Variants in MAP4K4 observed in about 807,000 individuals in gnomAD.
The protein encoded by MAP4K4 is mitogen-activated protein kinase kinase kinase kinase 4.
MAP4K4 carries 38 observed loss-of-function variants against 189.6 expected under a neutral mutation model. That is an observed-to-expected ratio of 0.20 (90% CI 0.15 to 0.26). The LOEUF (loss-of-function observed/expected upper bound fraction) is 0.26, where lower values mean the gene tolerates loss of function less well. MAP4K4 is among the 10% of genes least tolerant of loss of function. The pLI is 1.00. For synonymous variants in MAP4K4, 610 were observed against 624.3 expected, an observed-to-expected ratio of 0.98 and a Z score of 0.34; for missense variants, 1,054 against 1,726.9, an observed-to-expected ratio of 0.61 and a Z score of 6.91.
chr2:101,812,756 G>C (rs1390907925), intron 3 of MAP4K4, among the ~76,000 whole-genome samples: 1 of 152,184 alleles, frequency 6.6e-6, no homozygotes, highest in African/African-American at 2.4e-5. Context: ...CGCTACTTAA[G>C]TAAAAGAGGT....
At chr2:101,738,185 C>A (rs922119866) in intron 2 of MAP4K4, among the ~76,000 whole-genome samples, 1 of 152,074 alleles carries the variant, frequency 6.6e-6, no homozygotes, top group Admixed American at 6.6e-5. Flanking sequence ...TCTCTGAAGT[C>A]ACAAAAATAC....
At chr2:101,759,501 C>T (rs1308392441) in intron 2 of MAP4K4, among the ~76,000 whole-genome samples, 3 of 63,196 alleles carry the variant, frequency 4.7e-5, no homozygotes, top group African/African-American at 2.2e-4. Context: ...CTCTCCTCCC[C>T]TCTCCCCTCC....
At chr2:101,747,841 TTGAAAA>T (rs2066447609) in intron 2 of MAP4K4, among the ~76,000 whole-genome samples, 1 of 152,208 alleles carries the variant, frequency 6.6e-6, no homozygotes, top group Non-Finnish European at 1.5e-5. Flanking sequence ...ACAGCAGCCT[TTGAAAA>T]TGAATGGAAA....
intron 3 of MAP4K4, among the ~76,000 whole-genome samples, chr2:101,815,211 TTA>T (rs1347024132): frequency 6.6e-6 from 1 of 152,176 alleles, no homozygotes. Context: ...TAAATTATGA[TTA>T]TATTCTTCTA....
chr2:101,791,059 C>T (rs545552481), intron 3 of MAP4K4, among the ~76,000 whole-genome samples: 1 of 152,236 alleles, frequency 6.6e-6, no homozygotes, highest in South Asian at 2.1e-4. Context: ...TTGGAAACAT[C>T]TTCTCTAATG....
At chr2:101,883,760 G>A (rs932214193) in intron 28 of MAP4K4, among the ~76,000 whole-genome samples, 5 of 151,968 alleles carry the variant, frequency 3.3e-5, no homozygotes, top group African/African-American at 1.2e-4. Flanking sequence ...TGTTCCGAGG[G>A]ATGTTGTCAT....
exon 1 of MAP4K4, chr2:101,698,069 C>T: frequency 7.6e-7 from 1 of 1,319,662 alleles, no homozygotes; most frequent in Non-Finnish European, 1.0e-6. Context: ...TTTTTGGTGG[C>T]AAAAAGGGAA....
intron 2 of MAP4K4, among the ~76,000 whole-genome samples, chr2:101,760,670 T>G (rs2075978569): frequency 6.6e-6 from 1 of 151,974 alleles, no homozygotes; most frequent in Non-Finnish European, 1.5e-5. Context: ...AAATAAAGTT[T>G]GGAGAGGCAG....
At chr2:101,716,281 A>C (rs1290740410) in intron 2 of MAP4K4, among the ~76,000 whole-genome samples, 2 of 152,104 alleles carry the variant, frequency 1.3e-5, no homozygotes, top group African/African-American at 4.8e-5. Flanking sequence ...GTCTCTACTA[A>C]AAATACAAAA....
chr2:101,849,912 G>A (rs1350406643), intron 12 of MAP4K4, among the ~76,000 whole-genome samples: 1 of 151,944 alleles, frequency 6.6e-6, no homozygotes, highest in Non-Finnish European at 1.5e-5. Flanking sequence ...TATTAAACAA[G>A]ATGGTGTCCT....
chr2:101,894,521 A>C (rs1351150150), exon 33 of MAP4K4: 2 of 152,822 alleles, frequency 1.3e-5, no homozygotes, highest in Non-Finnish European at 2.9e-5. Flanking sequence ...GCTAAATAGT[A>C]ATACAAATGA....
In MAP4K4 at chr2:101,859,808, A is replaced by G. The variant is rs1183008473; in HGVS notation, c.1648A>G (p.Ser550Gly). The change falls in exon 15 of 33, where the codon AGC becomes GGC. Residue 550 changes from serine to glycine, a missense_variant. This residue lies in a region of MAP4K4 where 646 missense variants were observed against 796.2 expected (regional missense o/e 0.81). Coordinates refer to ENST00000324219, the Ensembl canonical transcript of MAP4K4. ...ACCGCAGCAGGAAAGGAGCAAGCCA[A>G]GCTTCCATGCTCCCGAGCCCAAAGC... 1.9e-6 allele frequency: 3 copies of G among 1,611,016 alleles called. No homozygotes were observed. The African/African-American group carries it at 4.0e-5, about 22-fold the overall frequency.
chr2:101,773,629 C>T (rs1345646623), intron 2 of MAP4K4, among the ~76,000 whole-genome samples: 2 of 152,186 alleles, frequency 1.3e-5, no homozygotes, highest in South Asian at 4.2e-4. Flanking sequence ...TTAAAATGTA[C>T]AATTAAATTA....
intron 2 of MAP4K4, among the ~76,000 whole-genome samples, chr2:101,745,972 TTGTGTGTGTG>T (rs5832985): frequency 1.6e-4 from 23 of 146,600 alleles, no homozygotes; most frequent in Middle Eastern, 3.5e-3. Context: ...CCTGTTTCCT[TTGTGTGTGTG>T]TGTGTGTGTG....
Position 101,772,725 on chromosome 2 carries a change from A to G in MAP4K4, c.124-17995A>G, listed in dbSNP as rs2082070461. Among the ~76,000 whole-genome samples, 7 of 152,244 alleles carry G rather than the reference A, an allele frequency of 4.6e-5. No homozygotes were observed. In the South Asian group the frequency reaches 1.2e-3, roughly 27 times the overall value. On this transcript the variant is annotated intron_variant, in intron 2 of 32. Coordinates refer to ENST00000324219, the Ensembl canonical transcript of MAP4K4. ...AAGTGTTTCATCAGTTTCATGTAAT[A>G]TAAAGAATTGCTTAGGTGTTATGGT...
chr2:101,864,108 A>T (rs1224650566), intron 17 of MAP4K4, 57 bp downstream of exon 17: 80 of 977,918 alleles, frequency 8.2e-5, no homozygotes, highest in Admixed American at 2.7e-4. Flanking sequence ...ATTTTTTTTT[A>T]AAGATTATTT....
chr2:101,731,614 C>A (rs558628192), intron 2 of MAP4K4, among the ~76,000 whole-genome samples: 2 of 151,994 alleles, frequency 1.3e-5, no homozygotes, highest in South Asian at 4.2e-4. Flanking sequence ...ACAAAAATTA[C>A]CCAGGCGTCA....
chr2:101,772,422 A>G (rs774089773), intron 2 of MAP4K4, among the ~76,000 whole-genome samples: 6 of 152,234 alleles, frequency 3.9e-5, no homozygotes, highest in Non-Finnish European at 8.8e-5. Flanking sequence ...GCTTAGGCAC[A>G]CACCTGCTGA....
chr2:101,762,903 TG>T (rs1575119167), intron 2 of MAP4K4, among the ~76,000 whole-genome samples: 1 of 152,126 alleles, frequency 6.6e-6, no homozygotes, highest in East Asian at 1.9e-4. Flanking sequence ...TTTGGGCTGG[TG>T]GGGGCTGGGG....
Sources: allele counts gnomAD v4.1 joint callset (sites outside exome capture counted in the v4.1 genomes callset), GRCh38; gene constraint gnomAD v4.1.1; regional missense constraint gnomAD v4.1.1; transcripts MANE v1.5; gene names NCBI Gene and HGNC (gene_info 2026-07-23, HGNC 2026-07-21).